The following USP6NL variants were observed in gnomAD, a reference collection of about 807,000 sequenced individuals.
USP6NL encodes USP6 N-terminal-like protein.
In USP6NL, 26 loss-of-function variants were observed where a neutral mutation model predicts 61.9. The observed-to-expected ratio is 0.42, with a 90% CI of 0.31 to 0.58. USP6NL has a LOEUF of 0.58. USP6NL is among the 20% of genes least tolerant of loss of function. USP6NL has a pLI of 0.16. For synonymous variants in USP6NL, 432 were observed against 390.1 expected, an observed-to-expected ratio of 1.11 and a Z score of -1.27; for missense variants, 1,114 against 1,034.3, an observed-to-expected ratio of 1.08 and a Z score of -1.06.
chr10:11,578,682 G>C (rs1304947502), intron 2 of USP6NL, among the ~76,000 whole-genome samples: 1 of 152,174 alleles, frequency 6.6e-6, no homozygotes, highest in Non-Finnish European at 1.5e-5. Flanking sequence ...CATCAGGTTA[G>C]GGAAATCCCC....
intron 2 of USP6NL, among the ~76,000 whole-genome samples, chr10:11,590,159 T>C (rs1010200642): frequency 5.9e-5 from 9 of 152,218 alleles, no homozygotes; most frequent in African/African-American, 1.9e-4. Context: ...TTTCACTCTA[T>C]GTCCGACCTT....
chr10:11,509,604 G>A lies in USP6NL; in HGVS notation c.267C>T (p.Asn89=), dbSNP rs772970022. 1.9e-6 allele frequency: 3 copies of A among 1,558,614 alleles called. No individual in the cohort carries two copies. Among genetic ancestry groups the A allele is most frequent in the South Asian group, 2.4e-5 (2 of 83,264 alleles). The change falls in exon 6 of 15, where the codon AAC becomes AAT. Residue 89 remains asparagine, a synonymous_variant. Transcript: ENST00000609104. ...KMLKGWEKYK[N]TEKFHRRIYK... ...CATGATTTTAAATTACCTTTTCAGTGTTCTTGTATTTTTCCCATCCTTTCA... is the reference window on the plus strand; with the variant it reads ...CATGATTTTAAATTACCTTTTCAGTATTCTTGTATTTTTCCCATCCTTTCA...
chr10:11,529,095 A>T (rs1244336058), intron 2 of USP6NL, among the ~76,000 whole-genome samples: 1 of 152,222 alleles, frequency 6.6e-6, no homozygotes, highest in Non-Finnish European at 1.5e-5. Context: ...GCTATTTTCA[A>T]AATAAGACTT....
At chr10:11,501,624 C>T (rs1476483402) in intron 6 of USP6NL, among the ~76,000 whole-genome samples, 1 of 152,174 alleles carries the variant, frequency 6.6e-6, no homozygotes. Flanking sequence ...AAAAAGGTTG[C>T]CTTGTCCCCA....
At chr10:11,538,927 G>A (rs999238177) in intron 2 of USP6NL, among the ~76,000 whole-genome samples, 4 of 152,146 alleles carry the variant, frequency 2.6e-5, no homozygotes, top group Non-Finnish European at 5.9e-5. Flanking sequence ...TCTCCTACTC[G>A]CAGAGCTGCA....
At chr10:11,601,748 T>C (rs1398549957) in intron 1 of USP6NL, among the ~76,000 whole-genome samples, 1 of 152,196 alleles carries the variant, frequency 6.6e-6, no homozygotes, top group Non-Finnish European at 1.5e-5. Context: ...TGATAGCCAT[T>C]CCAACACAAA....
rs556477494 is a variant in USP6NL, at chr10:11,465,273, G to C, written c.1079-1424C>G. ...GATATTCCATCAGACAGCAATATCA[G>C]CCAATCATCAAAACATCCTTTTCAG... is the stretch of plus-strand genomic sequence containing the variant. On this transcript the variant is annotated intron_variant, in intron 14 of 14. Transcript: ENST00000609104. The surrounding 1 kb of genome is among the most constrained non-coding windows in gnomAD (Gnocchi z 4.5). Among the ~76,000 whole-genome samples the C allele has an allele frequency of 1.3e-5, 2 of 152,188 alleles. No individual in the cohort carries two copies. Among genetic ancestry groups the C allele is most frequent in the Admixed American group, 6.5e-5 (1 of 15,280 alleles).
chr10:11,545,521 T>C (rs979293717), intron 2 of USP6NL, among the ~76,000 whole-genome samples: 35 of 152,198 alleles, frequency 2.3e-4, no homozygotes, highest in Non-Finnish European at 2.9e-5. Context: ...ACCACCGCAG[T>C]CATCTGTAAA....
At position 11,468,308 on chromosome 10, in the gene USP6NL, T is replaced by G. The variant is rs959459771; in HGVS notation, c.1079-4459A>C. Among the ~76,000 whole-genome samples the G allele has an allele frequency of 1.3e-5, 2 of 152,212 alleles. No individual in the cohort carries two copies. The highest frequency in any genetic ancestry group is 2.9e-5 in the Non-Finnish European group (2 of 68,034). On this transcript the variant is annotated intron_variant, in intron 14 of 14. Coordinates refer to ENST00000609104, the MANE Select transcript of USP6NL (RefSeq NM_014688.5). The surrounding 1 kb of genome is among the most constrained non-coding windows in gnomAD (Gnocchi z 4.5). ...TTTCCCAGATGACTGTCAATCACAG[T>G]TCACTCAGTCGAATGGTATGTTCCA...
intron 2 of USP6NL, among the ~76,000 whole-genome samples, chr10:11,550,338 G>A (rs984457216): frequency 2.6e-5 from 4 of 152,042 alleles, no homozygotes; most frequent in Non-Finnish European, 4.4e-5. Context: ...AAGCAAGACT[G>A]GGAGAAAAGC....
rs575294993 is a variant in USP6NL at position 11,611,539 on chromosome 10, G to T, written c.-180C>A. The T allele has an allele frequency of 1.2e-5, 2 of 160,544 alleles. No individual in the cohort carries two copies. Among genetic ancestry groups the T allele is most frequent in the South Asian group, 1.7e-4 (1 of 5,800 alleles). 9.9% of individuals were successfully genotyped at this position (160,544 alleles called of 1,614,324 possible). On this transcript the variant is annotated 5_prime_UTR_variant, in exon 1 of 15. Coordinates refer to ENST00000609104, the MANE Select transcript of USP6NL (RefSeq NM_014688.5). The surrounding 1 kb of genome is among the most constrained non-coding windows in gnomAD (Gnocchi z 5.3). Reference sequence around the variant, plus strand: ...CGGCGCGGCGCGGCGCGGCGGCGGCGGCGGCTACCGCAGTGCCCTCCGCCC... The same window carrying T: ...CGGCGCGGCGCGGCGCGGCGGCGGCTGCGGCTACCGCAGTGCCCTCCGCCC...
At chr10:11,500,568 T>C (rs906040999) in intron 7 of USP6NL, among the ~76,000 whole-genome samples, 1 of 152,162 alleles carries the variant, frequency 6.6e-6, no homozygotes, top group African/African-American at 2.4e-5. Flanking sequence ...AAAAAAATTA[T>C]TACTCAGTCA....
chr10:11,568,758 C>T (rs953231092), intron 2 of USP6NL, among the ~76,000 whole-genome samples: 9 of 152,134 alleles, frequency 5.9e-5, no homozygotes, highest in East Asian at 3.8e-4. Context: ...TTTGTCCTTA[C>T]GGTCACATCA....
At position 11,510,500 on chromosome 10, in the gene USP6NL, G is replaced by C. The variant is rs545682047; in HGVS notation, c.196-825C>G. Among the ~76,000 whole-genome samples the C allele has an allele frequency of 2.1e-3, 323 of 152,262 alleles. No individual in the cohort carries two copies. The highest frequency in any genetic ancestry group is 4.0e-3 in the Non-Finnish European group (269 of 68,020). ...GGACACCAGGCTGCCAAAGTTGGGA[G>C]AAGTCTCTTGCGTGCCCACTCAAGT... is the stretch of plus-strand genomic sequence containing the variant. On this transcript the variant is annotated intron_variant, in intron 5 of 14. Coordinates refer to ENST00000609104, the MANE Select transcript of USP6NL (RefSeq NM_014688.5). The surrounding 1 kb of genome is among the most constrained non-coding windows in gnomAD (Gnocchi z 4.8).
intron 2 of USP6NL, among the ~76,000 whole-genome samples, chr10:11,543,803 GTTTTTTTTTTT>G (rs781443038): frequency 5.2e-5 from 4 of 76,392 alleles, no homozygotes; most frequent in South Asian, 1.3e-3. Context: ...AAATATTTAG[GTTTTTTTTTTT>G]TTTTTTTTTT....
intron 2 of USP6NL, among the ~76,000 whole-genome samples, chr10:11,527,851 T>A (rs919281630): frequency 6.6e-6 from 1 of 152,212 alleles, no homozygotes; most frequent in Non-Finnish European, 1.5e-5. Flanking sequence ...CAGAAATTGA[T>A]GTTAAGTAGA....
In USP6NL at chr10:11,474,384, T is replaced by G. The variant is rs1832881027; in HGVS notation, c.1078+7386A>C. 6.6e-6 allele frequency among the ~76,000 whole-genome samples: 1 copy of G among 152,184 alleles called. No individual in the cohort carries two copies. The highest frequency in any genetic ancestry group is 6.5e-5 in the Admixed American group (1 of 15,278). On this transcript the variant is annotated intron_variant, in intron 14 of 14. Coordinates refer to ENST00000609104, the MANE Select transcript of USP6NL (RefSeq NM_014688.5). This position sits in a 1 kb window ranked among gnomAD's most constrained non-coding sequence, Gnocchi z 4.9. ...ATTCTTAAGGTTGAATTAATTAGAT[T>G]TGTAAGTTTTTTAGAACTAGGACAC... is the stretch of plus-strand genomic sequence containing the variant.
chr10:11,554,850 A>T (rs1389956325), intron 2 of USP6NL, among the ~76,000 whole-genome samples: 2 of 144,432 alleles, frequency 1.4e-5, no homozygotes, highest in Non-Finnish European at 3.0e-5. Context: ...CCCAGGCTGG[A>T]GTGCAGTGGT....
At chr10:11,579,082 ATACT>A (rs1335519195) in intron 2 of USP6NL, among the ~76,000 whole-genome samples, 13 of 152,244 alleles carry the variant, frequency 8.5e-5, no homozygotes, top group African/African-American at 3.1e-4. Context: ...CCTGTAAGTA[ATACT>A]TACATTCATT....
Sources: allele counts gnomAD v4.1 joint callset (sites outside exome capture counted in the v4.1 genomes callset), GRCh38; gene constraint gnomAD v4.1.1; non-coding constraint Gnocchi (gnomAD v3.1); transcripts MANE v1.5; gene names NCBI Gene and HGNC (gene_info 2026-07-23, HGNC 2026-07-21).